The following UGP2 variants were observed in gnomAD, a reference collection of about 807,000 sequenced individuals.
UGP2 encodes the protein UTP--glucose-1-phosphate uridylyltransferase.
Under a neutral mutation model 49.0 loss-of-function variants are expected in UGP2, and 40 were observed. That is an observed-to-expected ratio of 0.82 (90% CI 0.63 to 1.06). UGP2 has a LOEUF of 1.06. Ranked by LOEUF, UGP2 falls within the 50% of genes least tolerant of loss-of-function variation. The pLI is 0.00. For synonymous variants in UGP2, 225 were observed against 213.0 expected (o/e 1.06, Z -0.49); for missense variants, 460 against 603.5 (o/e 0.76, Z 2.49).
In UGP2 at chr2:63,891,310, C is replaced by G. The variant is rs142367970; in HGVS notation, c.*83C>G. 1.4e-4 allele frequency: 172 copies of G among 1,190,562 alleles called. No homozygotes were observed. The African/African-American group carries it at 2.3e-3, about 16-fold the overall frequency. 73.7% of individuals were successfully genotyped at this position (1,190,562 alleles called of 1,614,324 possible). A position where few individuals can be genotyped will look rare whatever the true frequency, so the allele number is the denominator to read the frequency against. On this transcript the variant is annotated 3_prime_UTR_variant, in exon 10 of 10. Transcript: ENST00000337130. ...TCTAGGATTCTAAAATAGGCAGGTA[C>G]TTTACTATGTTACTGTACCCTGCAG...
chr2:63,886,635 C>A, intron 7 of UGP2, 97 bp downstream of exon 7: 2 of 1,345,728 alleles, frequency 1.5e-6, no homozygotes, highest in Non-Finnish European at 2.0e-6. Flanking sequence ...CCCATCTATT[C>A]CATTGGTCAC....
chr2:63,881,694 T>G (rs959455820), intron 3 of UGP2, among the ~76,000 whole-genome samples: 1 of 152,202 alleles, frequency 6.6e-6, no homozygotes, highest in Non-Finnish European at 1.5e-5. Context: ...AAGGGAGAAG[T>G]TATAGATTAA....
At chr2:63,878,178 T>G (rs1671052899) in intron 3 of UGP2, among the ~76,000 whole-genome samples, 1 of 152,144 alleles carries the variant, frequency 6.6e-6, no homozygotes, top group Non-Finnish European at 1.5e-5. Context: ...CTATATAAAA[T>G]GTATTAAGTG....
chr2:63,888,684 T>C (rs1671857399), intron 8 of UGP2: 1 of 152,180 alleles, frequency 6.6e-6, no homozygotes, highest in East Asian at 1.9e-4. Context: ...CATGCACATC[T>C]TTGGGATGTG....
chr2:63,856,478 A>G (rs1425941376), intron 2 of UGP2, 45 bp downstream of exon 2: 12 of 1,411,576 alleles, frequency 8.5e-6, no homozygotes, highest in African/African-American at 1.6e-5. Context: ...CCCTCCCTTC[A>G]TCTGTCTTCA....
intron 3 of UGP2, among the ~76,000 whole-genome samples, chr2:63,858,250 C>G (rs1037471758): frequency 2.0e-5 from 3 of 152,210 alleles, no homozygotes; most frequent in African/African-American, 7.2e-5. Flanking sequence ...TTTGTTTCTT[C>G]CTTCTCTCTC....
Position 63,891,324 on chromosome 2 carries a change from T to C in UGP2, c.*97T>C. ...ATAGGCAGGTACTTTACTATGTTACTGTACCCTGCAGTGTTGATTTTTAAA... is the reference window on the plus strand; with the variant it reads ...ATAGGCAGGTACTTTACTATGTTACCGTACCCTGCAGTGTTGATTTTTAAA... On this transcript the variant is annotated 3_prime_UTR_variant, in exon 10 of 10. Transcript: ENST00000337130. 2 of 1,005,064 alleles carry C rather than the reference T, an allele frequency of 2.0e-6. No individual in the cohort carries two copies. Among genetic ancestry groups the C allele is most frequent in the Non-Finnish European group, 3.0e-6 (2 of 670,856 alleles). The allele number at this position is 1,005,064 out of a possible 1,614,324, so 62.3% of individuals were successfully genotyped here.
chr2:63,855,750 C>G (rs1220146167), intron 1 of UGP2: 1 of 381,126 alleles, frequency 2.6e-6, no homozygotes, highest in Non-Finnish European at 5.3e-6. Flanking sequence ...CCGTGTTGCC[C>G]AGCCTGGTCT....
Position 63,858,001 on chromosome 2 carries a change from G to A in UGP2, c.255+65G>A, listed in dbSNP as rs1366897957. The A allele has an allele frequency of 1.4e-5, 21 of 1,483,476 alleles. No homozygotes were observed. The Middle Eastern group carries it at 8.8e-4, about 62-fold the overall frequency. 91.9% of individuals were successfully genotyped at this position (1,483,476 alleles called of 1,614,324 possible). A position where few individuals can be genotyped will look rare whatever the true frequency, so the allele number is the denominator to read the frequency against. Reference sequence around the variant, plus strand: ...TTGGGCACTGGTTTTAACTTAGGACGGTTGGGTAGTGTAGGGGACCTATAA... The same window carrying A: ...TTGGGCACTGGTTTTAACTTAGGACAGTTGGGTAGTGTAGGGGACCTATAA... On this transcript the variant is annotated intron_variant, in intron 3 of 9. Coordinates refer to ENST00000337130, the MANE Select transcript of UGP2 (RefSeq NM_006759.4).
intron 3 of UGP2, among the ~76,000 whole-genome samples, chr2:63,881,969 G>A (rs955471441): frequency 6.6e-6 from 1 of 152,216 alleles, no homozygotes; most frequent in Non-Finnish European, 1.5e-5. Flanking sequence ...ACTGCATAGA[G>A]GAGAATGGCA....
rs190626633 is a variant in UGP2 at position 63,858,906 on chromosome 2, T to C, written c.255+970T>C. 7.9e-3 allele frequency among the ~76,000 whole-genome samples: 812 copies of C among 102,814 alleles called. 13 individuals are homozygous for C. The highest frequency in any genetic ancestry group is 0.029 in the African/African-American group (760 of 25,896). 67.4% of individuals were successfully genotyped at this position (102,814 alleles called of 152,430 possible). A position where few individuals can be genotyped will look rare whatever the true frequency, so the allele number is the denominator to read the frequency against. On this transcript the variant is annotated intron_variant, in intron 3 of 9. Coordinates refer to ENST00000337130, the MANE Select transcript of UGP2 (RefSeq NM_006759.4). ...CCCCCCCGCCCCCCCGAAACACTTATAACTTTTGCTTAGGAATTACCCTAA... is the reference window on the plus strand; with the variant it reads ...CCCCCCCGCCCCCCCGAAACACTTACAACTTTTGCTTAGGAATTACCCTAA...
chr2:63,869,340 A>G (rs531866040), intron 3 of UGP2, among the ~76,000 whole-genome samples: 10 of 152,324 alleles, frequency 6.6e-5, no homozygotes, highest in African/African-American at 2.4e-4. Context: ...ACTTTAAAAC[A>G]TATTTGCCAG....
In UGP2 at chr2:63,879,337, T is replaced by G. The variant is rs1221954793; in HGVS notation, c.256-3129T>G. ...TTGAAAACATTGTTATATATAAAAT[T>G]AATAGCTTTCAGAATTATTGTAGCA... On this transcript the variant is annotated intron_variant, in intron 3 of 9. Coordinates refer to ENST00000337130, the MANE Select transcript of UGP2 (RefSeq NM_006759.4). Among the ~76,000 whole-genome samples the G allele has an allele frequency of 2.0e-5, 3 of 152,338 alleles. No homozygotes were observed. The East Asian group carries it at 5.8e-4, about 29-fold the overall frequency.
chr2:63,891,350 A>G lies in UGP2; in HGVS notation c.*123A>G, dbSNP rs1340624556. ...GTACCCTGCAGTGTTGATTTTTAAA[A>G]TAGAGTTTTCTGCAGTATGCTTTTA... On this transcript the variant is annotated 3_prime_UTR_variant, in exon 10 of 10. Coordinates refer to ENST00000337130, the MANE Select transcript of UGP2 (RefSeq NM_006759.4). 15 of 688,766 alleles carry G rather than the reference A, an allele frequency of 2.2e-5. No homozygotes were observed. Among genetic ancestry groups the G allele is most frequent in the African/African-American group, 7.4e-5 (4 of 53,836 alleles). 42.7% of individuals were successfully genotyped at this position (688,766 alleles called of 1,614,324 possible).
chr2:63,859,987 C>G (rs1193281933), intron 3 of UGP2, among the ~76,000 whole-genome samples: 3 of 152,174 alleles, frequency 2.0e-5, no homozygotes. Context: ...AATGTTTGTT[C>G]ACCTTGGTTC....
chr2:63,847,466 T>C (rs1038123422), intron 1 of UGP2, among the ~76,000 whole-genome samples: 4 of 152,218 alleles, frequency 2.6e-5, no homozygotes, highest in Admixed American at 6.5e-5. Flanking sequence ...AGTATAGGCT[T>C]TCATGCTCGT....
At chr2:63,876,394 A>G (rs891551802) in intron 3 of UGP2, among the ~76,000 whole-genome samples, 1 of 152,154 alleles carries the variant, frequency 6.6e-6, no homozygotes, top group Non-Finnish European at 1.5e-5. Context: ...GGGGCTGGGT[A>G]TGTCAGGAAA....
At chr2:63,887,689 T>A (rs748689868) in intron 8 of UGP2, 45 bp downstream of exon 8, 32 of 1,601,766 alleles carry the variant, frequency 2.0e-5, no homozygotes, top group Non-Finnish European at 2.5e-5. Flanking sequence ...CTTAAATGTG[T>A]AATTATAAAG....
intron 3 of UGP2, among the ~76,000 whole-genome samples, chr2:63,867,766 C>A (rs991514223): frequency 6.6e-6 from 1 of 152,044 alleles, no homozygotes; most frequent in East Asian, 1.9e-4. Context: ...GCAAGATATC[C>A]TATCAAGTAG....
Sources: allele counts gnomAD v4.1 joint callset (sites outside exome capture counted in the v4.1 genomes callset), GRCh38; gene constraint gnomAD v4.1.1; transcripts MANE v1.5; gene names NCBI Gene and HGNC (gene_info 2026-07-23, HGNC 2026-07-21).